Variants in RNF115 observed in about 807,000 individuals in gnomAD.
RNF115 encodes the protein E3 ubiquitin-protein ligase RNF115.
RNF115 carries 31 observed loss-of-function variants against 39.2 expected under a neutral mutation model. The observed-to-expected ratio is 0.79, with a 90% CI of 0.59 to 1.07. The LOEUF is 1.07. RNF115 is among the 50% of genes least tolerant of loss of function. The pLI is 0.00. For synonymous variants in RNF115, 124 were observed against 131.0 expected, an observed-to-expected ratio of 0.95 and a Z score of 0.37; for missense variants, 384 against 381.7, an observed-to-expected ratio of 1.01 and a Z score of -0.05.
At chr1:145,782,651 T>A (rs980711628) in intron 3 of RNF115, among the ~76,000 whole-genome samples, 2 of 152,218 alleles carry the variant, frequency 1.3e-5, no homozygotes, top group Admixed American at 6.5e-5. Context: ...ACTCAATGCA[T>A]CTCTTTCTGG....
At chr1:145,794,669 A>G (rs1648860011) in intron 1 of RNF115, among the ~76,000 whole-genome samples, 1 of 151,530 alleles carries the variant, frequency 6.6e-6, no homozygotes, top group East Asian at 1.9e-4. Context: ...TCTTGGTCTC[A>G]CTGACTTCAA....
chr1:145,802,670 A>G (rs1161185658), intron 1 of RNF115, among the ~76,000 whole-genome samples: 17 of 152,210 alleles, frequency 1.1e-4, no homozygotes, highest in Non-Finnish European at 1.9e-4. Context: ...AATGGTGATT[A>G]AAGTGTCAAA....
At chr1:145,788,877 T>TG in intron 2 of RNF115, 31 bp downstream of exon 2, 1 of 1,489,404 alleles carries the variant, frequency 6.7e-7, no homozygotes, top group Non-Finnish European at 9.3e-7. Context: ...GATAATAGAA[T>TG]GTCTGATTTA....
chr1:145,803,670 G>A (rs1270911926), intron 1 of RNF115, among the ~76,000 whole-genome samples: 1 of 152,214 alleles, frequency 6.6e-6, no homozygotes, highest in Non-Finnish European at 1.5e-5. Context: ...TTAGAGGCGT[G>A]AGCCACCGCA....
At chr1:145,799,921 G>C (rs587705746) in intron 1 of RNF115, among the ~76,000 whole-genome samples, 1 of 152,312 alleles carries the variant, frequency 6.6e-6, no homozygotes, top group Admixed American at 6.5e-5. Context: ...AATACACTTT[G>C]ATATGCTGAG....
intron 2 of RNF115, among the ~76,000 whole-genome samples, chr1:145,786,145 TA>T (rs1648370738): frequency 6.6e-6 from 1 of 152,190 alleles, no homozygotes; most frequent in Non-Finnish European, 1.5e-5. Flanking sequence ...CTTTAAAGAA[TA>T]ATAGAGCTAA....
At chr1:145,752,762 T>C (rs1286170207) in intron 5 of RNF115, among the ~76,000 whole-genome samples, 2 of 151,980 alleles carry the variant, frequency 1.3e-5, no homozygotes, top group African/African-American at 4.8e-5. Flanking sequence ...TAATTTTTTA[T>C]ATTTTTAGTA....
In RNF115 at chr1:145,763,678, GAC is replaced by G. The variant is rs199582645; in HGVS notation, c.428+8031_428+8032del. Among the ~76,000 whole-genome samples the G allele has an allele frequency of 3.8e-3, 581 of 152,240 alleles. 10 individuals carry two copies. Among genetic ancestry groups the G allele is most frequent in the Admixed American group, 0.033 (511 of 15,290 alleles). On this transcript the variant is annotated intron_variant, in intron 4 of 8. Coordinates refer to ENST00000582693, the MANE Select transcript of RNF115 (RefSeq NM_014455.4). The stretch of plus-strand genomic sequence containing the variant: ...CACACCACTGCACTGCAGCCTGGGT[GAC>G]AGAGTGAGACTCCCTCTCAAAAAAA...
intron 4 of RNF115, among the ~76,000 whole-genome samples, chr1:145,761,725 C>T (rs1316240273): frequency 6.6e-6 from 1 of 152,222 alleles, no homozygotes; most frequent in Non-Finnish European, 1.5e-5. Flanking sequence ...CACACAGAGT[C>T]CCTACTGGGG....
chr1:145,746,238 C>A lies in RNF115; in HGVS notation c.*628G>T, dbSNP rs1209717962. On this transcript the variant is annotated 3_prime_UTR_variant, in exon 9 of 9. Coordinates refer to ENST00000582693, the MANE Select transcript of RNF115 (RefSeq NM_014455.4). ...GAGACTCCATCTCAAAAAAAAAAAACAAAAAAAATTAAAATAAGAAAACCA... is the reference window on the plus strand; with the variant it reads ...GAGACTCCATCTCAAAAAAAAAAAAAAAAAAAAATTAAAATAAGAAAACCA... The A allele has an allele frequency of 1.9e-4, 29 of 149,408 alleles. No homozygotes were observed. The highest frequency in any genetic ancestry group is 2.9e-4 in the African/African-American group (12 of 40,754). 9.3% of individuals were successfully genotyped at this position (149,408 alleles called of 1,614,324 possible). A position where few individuals can be genotyped will look rare whatever the true frequency, so the allele number is the denominator to read the frequency against.
Position 145,799,302 on chromosome 1 carries a change from G to A in RNF115, c.103-10336C>T, listed in dbSNP as rs1389595424. On this transcript the variant is annotated intron_variant, in intron 1 of 8. Transcript: ENST00000582693. ...AGGATGGTCTCGATCTCTTGACCTCGTGATCCGCCTGCCTCGGCCTCCCAA... is the reference window on the plus strand; with the variant it reads ...AGGATGGTCTCGATCTCTTGACCTCATGATCCGCCTGCCTCGGCCTCCCAA... Among the ~76,000 whole-genome samples the A allele has an allele frequency of 3.3e-5, 5 of 152,174 alleles. 1 individual carries two copies. The highest frequency in any genetic ancestry group is 7.2e-5 in the African/African-American group (3 of 41,506).
chr1:145,759,745 T>C lies in RNF115; in HGVS notation c.429-6696A>G, dbSNP rs1167783142. The stretch of plus-strand genomic sequence containing the variant: ...TCCATTGGAACAGAAGCTCTTATAA[T>C]TGCCAACTAGGCTTCATATAATCTA... On this transcript the variant is annotated intron_variant, in intron 4 of 8. Coordinates refer to ENST00000582693, the MANE Select transcript of RNF115 (RefSeq NM_014455.4). Among the ~76,000 whole-genome samples the C allele has an allele frequency of 1.2e-4, 19 of 152,144 alleles. 2 individuals carry two copies.
intron 3 of RNF115, chr1:145,772,354 T>C (rs995715783): frequency 1.2e-5 from 2 of 166,088 alleles, no homozygotes; most frequent in South Asian, 1.5e-4. Flanking sequence ...AAAAGAAAAT[T>C]TAATAGATCT....
At chr1:145,819,993 G>T (rs1208133504) in intron 1 of RNF115, among the ~76,000 whole-genome samples, 1 of 148,804 alleles carries the variant, frequency 6.7e-6, no homozygotes, top group Admixed American at 6.8e-5. Context: ...AGCTGAGCTC[G>T]TTCCACTGCA....
At chr1:145,763,532 T>C (rs1229747156) in intron 4 of RNF115, among the ~76,000 whole-genome samples, 3 of 152,160 alleles carry the variant, frequency 2.0e-5, no homozygotes, top group African/African-American at 2.4e-5. Flanking sequence ...ACCCCATCTC[T>C]ACTAAAAATA....
intron 4 of RNF115, among the ~76,000 whole-genome samples, chr1:145,757,971 T>C (rs1285828922): frequency 6.6e-6 from 1 of 152,188 alleles, no homozygotes; most frequent in East Asian, 1.9e-4. Flanking sequence ...ACTTTTTTGA[T>C]AGATTTTGGG....
At position 145,752,585 on chromosome 1, in the gene RNF115, C is replaced by CTTTTTTTTTTTTTTTTTTTTTT. The variant is rs60257682; in HGVS notation, c.500+392_500+393insAAAAAAAAAAAAAAAAAAAAAA. Among the ~76,000 whole-genome samples the CTTTTTTTTTTTTTTTTTTTTTT allele has an allele frequency of 3.6e-5, 3 of 83,784 alleles. 1 individual carries two copies. The highest frequency in any genetic ancestry group is 1.7e-4 in the African/African-American group (3 of 17,412). The allele number at this position is 83,784 out of a possible 152,430, so 55.0% of individuals were successfully genotyped here. A position where few individuals can be genotyped will look rare whatever the true frequency, so the allele number is the denominator to read the frequency against. On this transcript the variant is annotated intron_variant, in intron 5 of 8. Coordinates refer to ENST00000582693, the MANE Select transcript of RNF115 (RefSeq NM_014455.4). ...CATCTACATACTCACCTATGCAGCT[C>CTTTTTTTTTTTTTTTTTTTTTT]TTTTTTTTTTTTTTTTTTTTTGAGA...
At chr1:145,760,242 G>A (rs1345862624) in intron 4 of RNF115, among the ~76,000 whole-genome samples, 1 of 152,082 alleles carries the variant, frequency 6.6e-6, no homozygotes, top group Admixed American at 6.5e-5. Flanking sequence ...AACATAAGGA[G>A]ACCCCATCTC....
At chr1:145,793,997 C>A (rs1240026611) in intron 1 of RNF115, among the ~76,000 whole-genome samples, 1 of 152,124 alleles carries the variant, frequency 6.6e-6, no homozygotes. Flanking sequence ...GCATGTGCCA[C>A]CACACCCGGC....
Sources: gnomAD v4.1 joint callset for allele counts (sites outside exome capture counted in the v4.1 genomes callset) on GRCh38, gnomAD v4.1.1 for gene constraint, MANE v1.5 for transcripts, NCBI Gene and HGNC (gene_info 2026-07-23, HGNC 2026-07-21) for gene names.